Variants in NOM1 observed in about 807,000 individuals in gnomAD.
The protein encoded by NOM1 is nucleolar MIF4G domain-containing protein 1.
In NOM1, 58 loss-of-function variants were observed where a neutral mutation model predicts 73.3. The ratio of observed to expected loss-of-function variants is 0.79; its 90% CI spans 0.64 to 0.99. The LOEUF (loss-of-function observed/expected upper bound fraction) is 0.99. NOM1 is among the 50% of genes least tolerant of loss of function. The pLI, the probability that NOM1 is intolerant of heterozygous loss-of-function variation, is 0.00. For missense variants in NOM1, 1,226 were observed against 1,131.9 expected (o/e 1.08, Z -1.19); for synonymous variants, 487 against 446.8 (o/e 1.09, Z -1.14).
Position 156,954,872 on chromosome 7 carries a change from G to A in NOM1, c.1308+574G>A, listed in dbSNP as rs562852636. 3.3e-5 allele frequency among the ~76,000 whole-genome samples: 5 copies of A among 152,312 alleles called. No individual in the cohort carries two copies. In the South Asian group the frequency reaches 1.0e-3, roughly 32 times the overall value. ...TTTCTTCTCGACTGACATCTCAGAC[G>A]TGCCTTCATTTCCTTTGCACTTCTC... On this transcript the variant is annotated intron_variant, in intron 3 of 10. Coordinates refer to ENST00000275820, the MANE Select transcript of NOM1 (RefSeq NM_138400.2).
At chr7:156,963,805 C>T (rs1215558776) in intron 6 of NOM1, 100 bp from the exon 7 acceptor site, 7 of 1,420,710 alleles carry the variant, frequency 4.9e-6, no homozygotes, top group African/African-American at 1.4e-5. Flanking sequence ...ACGTAGACCT[C>T]ACAGTTCTAT....
chr7:156,950,644 A>T lies in NOM1; in HGVS notation c.907A>T (p.Arg303Trp), dbSNP rs964625714. The part of the protein sequence containing the change: ...EEKEKGAQEK[R>W]RGKRVRFAED... Reference sequence around the variant, plus strand: ...AAAGGAAAAGGGAGCGCAGGAGAAAAGGAGGGGGAAGAGAGTCCGTTTTGC... The same window carrying T: ...AAAGGAAAAGGGAGCGCAGGAGAAATGGAGGGGGAAGAGAGTCCGTTTTGC... Residue 303 changes from arginine to tryptophan, a missense_variant, in exon 1 of 11, where the codon AGG (arginine) becomes TGG (tryptophan). Coordinates refer to ENST00000275820, the MANE Select transcript of NOM1 (RefSeq NM_138400.2). 27 of 1,554,052 alleles carry T rather than the reference A, an allele frequency of 1.7e-5. No individual in the cohort carries two copies. Among genetic ancestry groups the T allele is most frequent in the African/African-American group, 2.7e-5 (2 of 73,092 alleles).
rs528775507 is a variant in NOM1, at chr7:156,966,512, AT to A, written c.2166+111del. 1.9e-4 allele frequency: 252 copies of A among 1,305,384 alleles called. 2 individuals carry two copies. The South Asian group carries it at 3.2e-3, about 17-fold the overall frequency. 80.9% of individuals were successfully genotyped at this position (1,305,384 alleles called of 1,614,324 possible). ...TTCCCCAAGTCAGGAGGCCCCTGAT[AT>A]CCCCGTCACCTGGTCCACGCTGGCT... is the stretch of plus-strand genomic sequence containing the variant. On this transcript the variant is annotated intron_variant, in intron 8 of 10. Coordinates refer to ENST00000275820, the MANE Select transcript of NOM1 (RefSeq NM_138400.2).
chr7:156,963,943 G>A lies in NOM1; in HGVS notation c.1950G>A (p.Arg650=). ...SKILELARKQ[R]MNTDIRRNIF... The stretch of plus-strand genomic sequence containing the variant: ...TCCTAGAACTCGCCCGGAAGCAGAG[G>A]ATGAACACAGACATCCGGAGAAACA... The change falls in exon 7 of 11, where the codon AGG becomes AGA. Residue 650 remains arginine, a synonymous_variant. Transcript: ENST00000275820. 6.2e-7 allele frequency: 1 copy of A among 1,614,184 alleles called. No individual in the cohort carries two copies. Among genetic ancestry groups the A allele is most frequent in the South Asian group, 1.1e-5 (1 of 91,078 alleles).
chr7:156,950,083 G>A lies in NOM1; in HGVS notation c.346G>A (p.Ala116Thr). ...QGPGLGGRSG[A>T]EEASGHRQDT... is the part of the protein sequence containing the mutation. ...TCCCGGCCTGGGAGGCCGAAGCGGA[G>A]CCGAAGAAGCCAGCGGTCACCGGCA... is the stretch of plus-strand genomic sequence containing the variant. Residue 116 changes from alanine to threonine, a missense_variant, in exon 1 of 11, where the codon GCC becomes ACC. Transcript: ENST00000275820. 1 of 1,545,762 alleles carries A rather than the reference G, an allele frequency of 6.5e-7. No individual in the cohort carries two copies. Among genetic ancestry groups the A allele is most frequent in the South Asian group, 1.2e-5 (1 of 84,632 alleles).
At position 156,967,078 on chromosome 7, in the gene NOM1, C is replaced by CT; in HGVS notation, c.2287dup (p.Ser763PhefsTer7). ...CTTGTTGAAGACAAAATCGCTTTCC[C>CT]TTTCCATCTTAAAGGTTCGTGTAAC... On this transcript the variant is annotated frameshift_variant, in exon 9 of 11. Transcript: ENST00000275820. LOFTEE classifies it high-confidence loss of function. 6.2e-7 allele frequency: 1 copy of CT among 1,613,192 alleles called. No individual in the cohort carries two copies. The highest frequency in any genetic ancestry group is 8.5e-7 in the Non-Finnish European group (1 of 1,179,814).
chr7:156,950,654 A>G lies in NOM1; in HGVS notation c.917A>G (p.Lys306Arg). The change falls in exon 1 of 11, where the codon AAG (lysine) becomes AGG (arginine). Residue 306 changes from lysine to arginine, a missense_variant. By Grantham distance (26) the Lys-to-Arg change is conservative (BLOSUM62 2). Transcript: ENST00000275820. ...GGAGCGCAGGAGAAAAGGAGGGGGAAGAGAGTCCGTTTTGCAGAAGATGAA... is the reference window on the plus strand; with the variant it reads ...GGAGCGCAGGAGAAAAGGAGGGGGAGGAGAGTCCGTTTTGCAGAAGATGAA... ...EKGAQEKRRGKRVRFAEDEEK... is the reference protein window; with the variant it reads ...EKGAQEKRRGRRVRFAEDEEK... 1.3e-6 allele frequency: 2 copies of G among 1,553,168 alleles called. No individual in the cohort carries two copies. The highest frequency in any genetic ancestry group is 1.7e-6 in the Non-Finnish European group (2 of 1,147,646).
rs1353093364 is a variant in NOM1, at chr7:156,972,813, G to C, written c.*3110G>C. 6.6e-6 allele frequency: 1 copy of C among 152,246 alleles called. No individual in the cohort carries two copies. The highest frequency in any genetic ancestry group is 1.5e-5 in the Non-Finnish European group (1 of 68,050). The allele number at this position is 152,246 out of a possible 1,614,324, so 9.4% of individuals were successfully genotyped here. A position where few individuals can be genotyped will look rare whatever the true frequency, so the allele number is the denominator to read the frequency against. On this transcript the variant is annotated 3_prime_UTR_variant, in exon 11 of 11. Transcript: ENST00000275820. ...CCATTGCACTCCAGCCTGGGAACAA[G>C]AGTGAAACTCTCAAAAGCAGAAACA... is the stretch of plus-strand genomic sequence containing the variant.
At chr7:156,969,393 ATATGT>A in intron 10 of NOM1, 131 bp from the exon 11 acceptor site, 1 of 819,670 alleles carries the variant, frequency 1.2e-6, no homozygotes, top group Non-Finnish European at 1.9e-6. Flanking sequence ...TAATAATAAA[ATATGT>A]TAAGAAGTTC....
In NOM1 at chr7:156,954,196, C is replaced by T. The variant is rs61740447; in HGVS notation, c.1206C>T (p.Ser402=). ...AGGACATGAATGACACCCTGACCTCCGCTCTCATGGGTGCCTGCGTCACTG... is the reference window on the plus strand; with the variant it reads ...AGGACATGAATGACACCCTGACCTCTGCTCTCATGGGTGCCTGCGTCACTG... ...SRKDMNDTLT[S]ALMGACVTAS... is the part of the protein sequence containing the mutation. Residue 402 remains serine (S), a synonymous_variant, in exon 3 of 11, where the codon TCC becomes TCT. Coordinates refer to ENST00000275820, the MANE Select transcript of NOM1 (RefSeq NM_138400.2). 0.048 allele frequency: 77,569 copies of T among 1,613,708 alleles called. 2,163 individuals carry two copies. Among genetic ancestry groups the T allele is most frequent in the South Asian group, 0.082 (7,493 of 90,960 alleles).
chr7:156,957,814 T>TTCATAAAAA (rs1369909354), intron 3 of NOM1, among the ~76,000 whole-genome samples: 1 of 147,568 alleles, frequency 6.8e-6, no homozygotes, highest in Non-Finnish European at 1.5e-5. Flanking sequence ...AAAGAAAATA[T>TTCATAAAAA]ACATGAATAT....
In NOM1 at chr7:156,963,019, C is replaced by T. The variant is rs186610955; in HGVS notation, c.1755C>T (p.Ala585=). The T allele has an allele frequency of 4.6e-5, 74 of 1,612,002 alleles. No individual in the cohort carries two copies. The highest frequency in any genetic ancestry group is 1.6e-4 in the Middle Eastern group (1 of 6,082). Residue 585 remains alanine, a synonymous_variant, in exon 6 of 11, where the codon GCC becomes GCT. Transcript: ENST00000275820. ...RKLQRALVRN[A]GSGSETQLRV... ...TCTCTCTTCATCAGGTCCGCAACGC[C>T]GGCTCAGGTTCTGAGACGCAGCTTC... is the stretch of plus-strand genomic sequence containing the variant.
Position 156,969,859 on chromosome 7 carries a change from A to T in NOM1, c.*156A>T. On this transcript the variant is annotated 3_prime_UTR_variant, in exon 11 of 11. Transcript: ENST00000275820. ...GAGATTTTTTTTGATCTAAGGTTTT[A>T]TTGTTTGTATTTCAAGCCATTTTCA... 3 of 672,312 alleles carry T rather than the reference A, an allele frequency of 4.5e-6. No homozygotes were observed. The highest frequency in any genetic ancestry group is 6.7e-6 in the Non-Finnish European group (3 of 447,384). 41.6% of individuals were successfully genotyped at this position (672,312 alleles called of 1,614,324 possible). A position where few individuals can be genotyped will look rare whatever the true frequency, so the allele number is the denominator to read the frequency against.
chr7:156,954,510 G>A (rs550936234), intron 3 of NOM1, among the ~76,000 whole-genome samples: 2 of 114,040 alleles, frequency 1.8e-5, no homozygotes, highest in African/African-American at 3.3e-5. Flanking sequence ...TTGCTTTTTT[G>A]TTCTGTCCAT....
intron 9 of NOM1, 109 bp from the exon 10 acceptor site, chr7:156,968,978 T>TG (rs1211251975): frequency 1.5e-6 from 1 of 673,946 alleles, no homozygotes; most frequent in Admixed American, 2.6e-5. Context: ...TCGGGTAGAG[T>TG]GGGGGAAGGG....
At chr7:156,964,098 A>G in intron 7 of NOM1, 72 bp downstream of exon 7, 1 of 1,521,788 alleles carries the variant, frequency 6.6e-7, no homozygotes, top group Non-Finnish European at 9.0e-7. Flanking sequence ...TTGCTTTTTG[A>G]GTTTTGGACG....
chr7:156,965,138 C>CGTGGGGCTGTGCTGTTTGCA (rs1268009349), intron 7 of NOM1, among the ~76,000 whole-genome samples: 6 of 152,250 alleles, frequency 3.9e-5, no homozygotes, highest in Non-Finnish European at 8.8e-5. Context: ...GAGTGCTCTA[C>CGTGGGGCTGTGCTGTTTGCA]GTGGGGCTGT....
chr7:156,952,419 A>T, intron 1 of NOM1, 55 bp from the exon 2 acceptor site: 2 of 1,568,776 alleles, frequency 1.3e-6, no homozygotes, highest in South Asian at 2.4e-5. Context: ...GCAAAGAAAA[A>T]ACACAGGATT....
chr7:156,960,395 C>G (rs972955392), intron 4 of NOM1: 4 of 529,112 alleles, frequency 7.6e-6, no homozygotes, highest in African/African-American at 2.0e-5. Context: ...AACATTCATC[C>G]GTTAAAAAAT....
Sources: gnomAD v4.1 joint callset for allele counts (sites outside exome capture counted in the v4.1 genomes callset) on GRCh38, gnomAD v4.1.1 for gene constraint, MANE v1.5 for transcripts, NCBI Gene and HGNC (gene_info 2026-07-23, HGNC 2026-07-21) for gene names.